Variants in IFT81 observed in about 807,000 individuals in gnomAD.
IFT81 encodes the protein intraflagellar transport protein 81 homolog.
In IFT81, 72 loss-of-function variants were observed where a neutral mutation model predicts 102.6. The ratio of observed to expected loss-of-function variants is 0.70; its 90% confidence interval spans 0.58 to 0.85. The LOEUF is 0.85. Ranked by LOEUF, IFT81 falls within the 40% of genes least tolerant of loss-of-function variation. IFT81 has a pLI of 0.00. For missense variants in IFT81, 723 were observed against 787.3 expected, an observed-to-expected ratio of 0.92 and a Z score of 0.98; for synonymous variants, 237 against 242.7, an observed-to-expected ratio of 0.98 and a Z score of 0.22.
chr12:110,154,355 G>A (rs1297618850), intron 10 of IFT81, among the ~76,000 whole-genome samples: 1 of 151,490 alleles, frequency 6.6e-6, no homozygotes, highest in Non-Finnish European at 1.5e-5. Flanking sequence ...TTTTGGCCGG[G>A]TGCGGTGACT....
intron 10 of IFT81, among the ~76,000 whole-genome samples, chr12:110,155,347 G>A (rs1452102296): frequency 3.9e-5 from 6 of 152,020 alleles, no homozygotes; most frequent in Non-Finnish European, 2.9e-5. Flanking sequence ...TTTCACTCCT[G>A]TTGCCCAGGC....
At chr12:110,191,153 A>G (rs576370868) in intron 13 of IFT81, 105 bp downstream of exon 13, 8 of 966,026 alleles carry the variant, frequency 8.3e-6, no homozygotes, top group African/African-American at 1.7e-5. Context: ...ATTTCTGCAC[A>G]TTACATTCTT....
chr12:110,162,106 G>A (rs1294928173), intron 10 of IFT81, among the ~76,000 whole-genome samples: 2 of 152,028 alleles, frequency 1.3e-5, no homozygotes, highest in Non-Finnish European at 2.9e-5. Flanking sequence ...TATTAGAATG[G>A]CCCAAATATG....
chr12:110,125,609 G>A (rs1893786321), intron 1 of IFT81, among the ~76,000 whole-genome samples: 1 of 152,156 alleles, frequency 6.6e-6, no homozygotes. Flanking sequence ...TGGCCAGGCT[G>A]GCCTCGAACT....
chr12:110,190,288 C>T (rs553589356), intron 12 of IFT81, among the ~76,000 whole-genome samples: 1 of 152,148 alleles, frequency 6.6e-6, no homozygotes, highest in Non-Finnish European at 1.5e-5. Flanking sequence ...CACTGCACCT[C>T]CTTACTGTTT....
chr12:110,188,065 GC>G (rs1298152571), intron 12 of IFT81, among the ~76,000 whole-genome samples: 1 of 152,180 alleles, frequency 6.6e-6, no homozygotes, highest in Non-Finnish European at 1.5e-5. Context: ...GGGCGCGGTG[GC>G]TCACGCCTGT....
intron 11 of IFT81, among the ~76,000 whole-genome samples, chr12:110,163,619 T>G: frequency 6.6e-6 from 1 of 150,440 alleles, no homozygotes; most frequent in East Asian, 1.9e-4. Context: ...TTTCACTTTT[T>G]TTTTTTTTTT....
At chr12:110,199,306 A>G (rs1473695062) in intron 14 of IFT81, among the ~76,000 whole-genome samples, 6 of 152,186 alleles carry the variant, frequency 3.9e-5, no homozygotes, top group Non-Finnish European at 8.8e-5. Flanking sequence ...AGCTTTCATT[A>G]ACAGAGCTTT....
intron 12 of IFT81, among the ~76,000 whole-genome samples, chr12:110,190,310 CA>C (rs1897733718): frequency 6.6e-6 from 1 of 152,176 alleles, no homozygotes; most frequent in African/African-American, 2.4e-5. Context: ...TTGAACTGGT[CA>C]AGTTTGCTCC....
rs1490079031 is a variant in IFT81, at chr12:110,132,599, T to A, written c.482T>A (p.Leu161His). The A allele has an allele frequency of 1.3e-6, 2 of 1,583,382 alleles. No homozygotes were observed. Among genetic ancestry groups the A allele is most frequent in the East Asian group, 4.5e-5 (2 of 44,460 alleles). ...FKTLHKEYEQ[L>H]KISGFSTAEI... is the part of the protein sequence containing the mutation. Reference sequence around the variant, plus strand: ...ACTTTGCATAAAGAATATGAGCAGCTCAAGATATCTGGATTTTCTACAGCA... The same window carrying A: ...ACTTTGCATAAAGAATATGAGCAGCACAAGATATCTGGATTTTCTACAGCA... Residue 161 changes from leucine (L) to histidine (H), a missense_variant, in exon 5 of 19, where the codon CTC (leucine) becomes CAC (histidine). Leu to His is a moderately conservative substitution (Grantham distance 99). Coordinates refer to ENST00000242591, the MANE Select transcript of IFT81 (RefSeq NM_014055.4).
intron 10 of IFT81, among the ~76,000 whole-genome samples, chr12:110,158,056 GTTTTTA>G (rs994181812): frequency 1.5e-4 from 23 of 151,900 alleles, no homozygotes; most frequent in Non-Finnish European, 8.8e-5. Context: ...TTATTCTTTT[GTTTTTA>G]TTTTTATTTT....
chr12:110,138,694 A>G (rs1161546655), intron 8 of IFT81, among the ~76,000 whole-genome samples: 1 of 152,192 alleles, frequency 6.6e-6, no homozygotes, highest in Non-Finnish European at 1.5e-5. Flanking sequence ...CAGCCTCCCA[A>G]AGTGTTAGGA....
intron 11 of IFT81, among the ~76,000 whole-genome samples, chr12:110,179,918 CAG>C (rs1022216816): frequency 6.7e-4 from 99 of 148,114 alleles, no homozygotes; most frequent in African/African-American, 2.1e-3. Flanking sequence ...TTGTGGGTGA[CAG>C]AGTGAGATTT....
At chr12:110,162,783 A>G in intron 10 of IFT81, 136 bp from the exon 11 acceptor site, 1 of 651,570 alleles carries the variant, frequency 1.5e-6, no homozygotes, top group Non-Finnish European at 2.6e-6. Context: ...GTAGTAGGGC[A>G]AGGAGTATTG....
chr12:110,181,102 T>G (rs1897302585), intron 12 of IFT81, among the ~76,000 whole-genome samples: 1 of 152,226 alleles, frequency 6.6e-6, no homozygotes, highest in Admixed American at 6.5e-5. Flanking sequence ...TTGGCTTTTT[T>G]TTTTCTTTCA....
intron 12 of IFT81, among the ~76,000 whole-genome samples, chr12:110,183,709 C>G (rs1593348219): frequency 6.6e-6 from 1 of 152,166 alleles, no homozygotes; most frequent in East Asian, 1.9e-4. Context: ...TGCCTCTTTC[C>G]TAGACCTCCT....
intron 12 of IFT81, among the ~76,000 whole-genome samples, chr12:110,183,929 C>T (rs1167183842): frequency 6.6e-6 from 1 of 152,216 alleles, no homozygotes; most frequent in Non-Finnish European, 1.5e-5. Context: ...TCAACTTTCT[C>T]TGGAGTTTTG....
chr12:110,135,129 A>T lies in IFT81; in HGVS notation c.585+116A>T, dbSNP rs1894404461. ...GAGTGTACATCTGAGGATGGACTCAAATAACATTGACGAAAAGGGAATCTC... is the reference window on the plus strand; with the variant it reads ...GAGTGTACATCTGAGGATGGACTCATATAACATTGACGAAAAGGGAATCTC... On this transcript the variant is annotated intron_variant, in intron 6 of 18. Coordinates refer to ENST00000242591, the MANE Select transcript of IFT81 (RefSeq NM_014055.4). 4.8e-6 allele frequency: 4 copies of T among 835,144 alleles called. No individual in the cohort carries two copies. In the East Asian group the frequency reaches 1.0e-4, roughly 21 times the overall value. The allele number at this position is 835,144 out of a possible 1,614,324, so 51.7% of individuals were successfully genotyped here.
At chr12:110,160,107 C>T (rs890019785) in intron 10 of IFT81, among the ~76,000 whole-genome samples, 1 of 152,128 alleles carries the variant, frequency 6.6e-6, no homozygotes, top group Non-Finnish European at 1.5e-5. Flanking sequence ...AAAATTTATG[C>T]CTACCTATTG....
Sources: gnomAD v4.1 joint callset for allele counts (sites outside exome capture counted in the v4.1 genomes callset) on GRCh38, gnomAD v4.1.1 for gene constraint, MANE v1.5 for transcripts, NCBI Gene and HGNC (gene_info 2026-07-23, HGNC 2026-07-21) for gene names.